The following HSPA4 variants were observed in gnomAD, a reference collection of about 807,000 sequenced individuals.
HSPA4 encodes the protein heat shock protein family A (Hsp70) member 4, also known as heat shock 70 kDa protein 4.
A neutral mutation model predicts 106.2 loss-of-function variants in HSPA4; 25 were observed. The observed-to-expected ratio is 0.24, with a 90% CI of 0.17 to 0.33. HSPA4 has a LOEUF of 0.33. Ranked by LOEUF, HSPA4 falls within the 10% of genes least tolerant of loss-of-function variation. The pLI is 1.00. For synonymous variants in HSPA4, 332 were observed against 333.6 expected (o/e 1.00, Z 0.05); for missense variants, 841 against 996.0 (o/e 0.84, Z 2.10).
intron 7 of HSPA4, among the ~76,000 whole-genome samples, chr5:133,084,865 T>C (rs573457423): frequency 6.6e-6 from 1 of 152,216 alleles, no homozygotes; most frequent in African/African-American, 2.4e-5. Flanking sequence ...TGGAGTGCAA[T>C]GGGTTGATCA....
intron 6 of HSPA4, among the ~76,000 whole-genome samples, chr5:133,074,777 A>G (rs187610574): frequency 5.4e-4 from 83 of 152,314 alleles, no homozygotes; most frequent in Admixed American, 8.5e-4. Context: ...ACACAGAAGT[A>G]TAGAAGGCAA....
intron 7 of HSPA4, among the ~76,000 whole-genome samples, chr5:133,082,398 A>G (rs1335084309): frequency 6.6e-6 from 1 of 152,222 alleles, no homozygotes; most frequent in Admixed American, 6.5e-5. Context: ...CTTTAAAAAT[A>G]TTTTTGTACC....
chr5:133,074,200 T>G, intron 6 of HSPA4, 74 bp downstream of exon 6: 2 of 992,116 alleles, frequency 2.0e-6, no homozygotes, highest in Admixed American at 4.9e-5. Context: ...CAATGATTTT[T>G]TCTCATCTAC....
chr5:133,052,497 C>T (rs1219083892), intron 1 of HSPA4, 140 bp downstream of exon 1: 4 of 605,806 alleles, frequency 6.6e-6, no homozygotes, highest in South Asian at 2.0e-5. Flanking sequence ...TCAGGGACCC[C>T]CAGTAGGTAT....
At chr5:133,080,441 A>C (rs913552982) in intron 7 of HSPA4, among the ~76,000 whole-genome samples, 12 of 144,568 alleles carry the variant, frequency 8.3e-5, no homozygotes, top group Admixed American at 4.1e-4. Context: ...AAAAAAAAAA[A>C]CCCAATAATT....
rs1765393044 is a variant in HSPA4 at position 133,072,392 on chromosome 5, G to GGTTTTT, written c.430-838_430-837insGTTTTT. Among the ~76,000 whole-genome samples the GGTTTTT allele has an allele frequency of 2.6e-5, 2 of 75,730 alleles. 1 individual carries two copies. 49.7% of individuals were successfully genotyped at this position (75,730 alleles called of 152,430 possible). Reference sequence around the variant, plus strand: ...GTTCTGCCTAGCCTGGTCCAGGGTTGTTTTTTTTTTTTTTTTTTTTTTTGG... The same window carrying GGTTTTT: ...GTTCTGCCTAGCCTGGTCCAGGGTTGGTTTTTTTTTTTTTTTTTTTTTTTTTTTTGG... On this transcript the variant is annotated intron_variant, in intron 4 of 18. Transcript: ENST00000304858.
chr5:133,096,376 T>G (rs908235981), intron 14 of HSPA4, 126 bp downstream of exon 14: 9 of 805,890 alleles, frequency 1.1e-5, no homozygotes, highest in African/African-American at 1.7e-5. Flanking sequence ...AATTAGACTT[T>G]TGTGTGGTAT....
chr5:133,081,632 G>A (rs192337693), intron 7 of HSPA4, among the ~76,000 whole-genome samples: 6 of 152,086 alleles, frequency 3.9e-5, no homozygotes, highest in African/African-American at 1.4e-4. Context: ...GGAGTTTTCA[G>A]GTCAATTATA....
intron 16 of HSPA4, among the ~76,000 whole-genome samples, chr5:133,100,707 G>T (rs1240599242): frequency 6.6e-6 from 1 of 152,212 alleles, no homozygotes; most frequent in Non-Finnish European, 1.5e-5. Flanking sequence ...AAACATGAAA[G>T]AATTACATAA....
chr5:133,052,166 G>T lies in HSPA4; in HGVS notation c.-85G>T. On this transcript the variant is annotated 5_prime_UTR_variant, in exon 1 of 19. Coordinates refer to ENST00000304858, the MANE Select transcript of HSPA4 (RefSeq NM_002154.4). The stretch of plus-strand genomic sequence containing the variant: ...TCAGTAGCCTCGGCCCAAGAGGCCT[G>T]CTTTCCACTCGCTAGCCCCGCCGGG... 1 of 936,640 alleles carries T rather than the reference G, an allele frequency of 1.1e-6. No homozygotes were observed. The highest frequency in any genetic ancestry group is 1.6e-6 in the Non-Finnish European group (1 of 610,310). 58.0% of individuals were successfully genotyped at this position (936,640 alleles called of 1,614,324 possible). A position where few individuals can be genotyped will look rare whatever the true frequency, so the allele number is the denominator to read the frequency against.
intron 9 of HSPA4, 66 bp from the exon 10 acceptor site, chr5:133,088,989 A>T: frequency 1.4e-6 from 1 of 732,968 alleles, no homozygotes; most frequent in Non-Finnish European, 2.3e-6. Context: ...TTGTATGTTT[A>T]AGTGATATTA....
chr5:133,054,962 CCTTT>C, intron 1 of HSPA4, among the ~76,000 whole-genome samples: 1 of 152,234 alleles, frequency 6.6e-6, no homozygotes, highest in Non-Finnish European at 1.5e-5. Flanking sequence ...GTGTTCCTAT[CCTTT>C]CTTTTAGATT....
At position 133,065,057 on chromosome 5, in the gene HSPA4, C is replaced by G. The variant is rs752112757; in HGVS notation, c.165+20C>G. 1 of 1,600,990 alleles carries G rather than the reference C, an allele frequency of 6.2e-7. No individual in the cohort carries two copies. Among genetic ancestry groups the G allele is most frequent in the South Asian group, 1.1e-5 (1 of 90,682 alleles). ...AGCCAGGTAAAGTTTCATTTTTTTC[C>G]TAAAATGACTTATTTCTCCTCTTCA... is the stretch of plus-strand genomic sequence containing the variant. On this transcript the variant is annotated intron_variant, in intron 2 of 18. Coordinates refer to ENST00000304858, the MANE Select transcript of HSPA4 (RefSeq NM_002154.4).
At chr5:133,086,650 A>G (rs1765582026) in intron 7 of HSPA4, 132 bp from the exon 8 acceptor site, 2 of 644,704 alleles carry the variant, frequency 3.1e-6, no homozygotes, top group Non-Finnish European at 5.5e-6. Flanking sequence ...CTGGGAATGT[A>G]TGAAGGATCC....
intron 7 of HSPA4, among the ~76,000 whole-genome samples, chr5:133,084,834 A>G (rs1162437510): frequency 6.6e-6 from 1 of 151,512 alleles, no homozygotes; most frequent in Non-Finnish European, 1.5e-5. Context: ...TTTTTGGAGA[A>G]AGGATACCTA....
chr5:133,093,248 A>G (rs1350625561), intron 13 of HSPA4, among the ~76,000 whole-genome samples: 2 of 152,038 alleles, frequency 1.3e-5, no homozygotes, highest in Non-Finnish European at 2.9e-5. Flanking sequence ...CAATTTTTTT[A>G]GGAAGATTTT....
intron 1 of HSPA4, among the ~76,000 whole-genome samples, chr5:133,054,335 T>C (rs1185818149): frequency 6.6e-6 from 1 of 152,108 alleles, no homozygotes; most frequent in Non-Finnish European, 1.5e-5. Flanking sequence ...CCCGAGTAGC[T>C]GGGATTACAG....
At chr5:133,061,841 C>T (rs1765247499) in intron 1 of HSPA4, among the ~76,000 whole-genome samples, 1 of 152,048 alleles carries the variant, frequency 6.6e-6, no homozygotes, top group Non-Finnish European at 1.5e-5. Flanking sequence ...GCCATGTTGG[C>T]CAGGCTGATC....
chr5:133,101,651 C>T, intron 16 of HSPA4, 108 bp from the exon 17 acceptor site: 1 of 1,029,636 alleles, frequency 9.7e-7, no homozygotes, highest in Non-Finnish European at 1.4e-6. Flanking sequence ...TATTTAACTT[C>T]TTATATATAG....
Sources: allele counts gnomAD v4.1 joint callset (sites outside exome capture counted in the v4.1 genomes callset), GRCh38; gene constraint gnomAD v4.1.1; transcripts MANE v1.5; gene names NCBI Gene and HGNC (gene_info 2026-07-23, HGNC 2026-07-21).